The following PLPBP variants were observed in gnomAD, a reference collection of about 807,000 sequenced individuals.
The protein encoded by PLPBP is pyridoxal phosphate homeostasis protein.
A neutral mutation model predicts 31.2 loss-of-function variants in PLPBP; 21 were observed. The observed-to-expected ratio is 0.67, with a 90% CI of 0.48 to 0.97. The LOEUF is 0.97. Ranked by LOEUF, PLPBP falls within the 50% of genes least tolerant of loss-of-function variation. PLPBP has a pLI of 0.00. For synonymous variants in PLPBP, 124 were observed against 135.6 expected, an observed-to-expected ratio of 0.91 and a Z score of 0.59; for missense variants, 308 against 354.4, an observed-to-expected ratio of 0.87 and a Z score of 1.05.
chr8:37,766,429 G>A, intron 4 of PLPBP, 74 bp downstream of exon 4: 6 of 1,475,198 alleles, frequency 4.1e-6, no homozygotes, highest in Non-Finnish European at 5.5e-6. Flanking sequence ...GTGGAAGAGA[G>A]AGCAACTTTT....
chr8:37,776,827 C>T (rs1049691923), intron 7 of PLPBP, among the ~76,000 whole-genome samples: 10 of 152,140 alleles, frequency 6.6e-5, no homozygotes, highest in Admixed American at 3.3e-4. Context: ...AGTGCAGTGG[C>T]GCGATCTCAG....
rs1457341549 is a variant in PLPBP, at chr8:37,765,543, G to GC, written c.121dup (p.Arg41ProfsTer48). On this transcript the variant is annotated frameshift_variant, in exon 2 of 8. Coordinates refer to ENST00000328195, the MANE Select transcript of PLPBP (RefSeq NM_007198.4). LOFTEE classifies it high-confidence loss of function. ...CTTGGCAGGATCTCCCAGCCATCCA[G>GC]CCCCGGCTAGTGGCGGTCAGCAAAA... The GC allele has an allele frequency of 1.2e-6, 2 of 1,613,962 alleles. No individual in the cohort carries two copies. Among genetic ancestry groups the GC allele is most frequent in the South Asian group, 1.1e-5 (1 of 91,058 alleles).
chr8:37,770,739 G>C (rs540523122), intron 4 of PLPBP, among the ~76,000 whole-genome samples: 1 of 151,398 alleles, frequency 6.6e-6, no homozygotes, highest in African/African-American at 2.4e-5. Flanking sequence ...CACCATGCTG[G>C]CTAATTTTTG....
rs1215436836 is a variant in PLPBP, at chr8:37,765,452, A to C, written c.100-74A>C. The stretch of plus-strand genomic sequence containing the variant: ...TGAGATCAATGCCTGTCTATCCTAC[A>C]GGATCTATCCTATGGGATTCATTGG... On this transcript the variant is annotated intron_variant, in intron 1 of 7. Coordinates refer to ENST00000328195, the MANE Select transcript of PLPBP (RefSeq NM_007198.4). The C allele has an allele frequency of 2.2e-6, 3 of 1,392,724 alleles. No individual in the cohort carries two copies. In the East Asian group the frequency reaches 6.9e-5, roughly 32 times the overall value. 86.3% of individuals were successfully genotyped at this position (1,392,724 alleles called of 1,614,324 possible).
intron 1 of PLPBP, 106 bp from the exon 2 acceptor site, chr8:37,765,420 G>A (rs1417528314): frequency 1.1e-5 from 12 of 1,046,860 alleles, no homozygotes; most frequent in Admixed American, 1.9e-5. Context: ...CTTACCTAAT[G>A]CCAAGTTGAG....
chr8:37,773,409 A>G (rs556775317), intron 5 of PLPBP, among the ~76,000 whole-genome samples: 84 of 149,380 alleles, frequency 5.6e-4, no homozygotes, highest in African/African-American at 1.9e-3. Flanking sequence ...CTCTCAAGTG[A>G]TCCACCCATC....
chr8:37,762,754 C>T lies in PLPBP; in HGVS notation c.95C>T (p.Pro32Leu). Residue 32 changes from proline (P) to leucine (L), a missense_variant, in exon 1 of 8, where the codon CCG becomes CTG. By Grantham distance (98) the Pro-to-Leu change is moderately conservative (BLOSUM62 -3). Around this residue, in one of 2 missense-constraint regions of PLPBP, gnomAD observed 120 missense variants for 95.1 expected, o/e 1.26. Coordinates refer to ENST00000328195, the MANE Select transcript of PLPBP (RefSeq NM_007198.4). ...ERVQQAVARR[P>L]RDLPAIQPRL... is the part of the protein sequence containing the mutation. ...GTGCAGCAGGCTGTGGCGCGGCGGC[C>T]GCGGGTGAGGAAGGAGGCTGCGTGG... The T allele has an allele frequency of 6.4e-7, 1 of 1,562,700 alleles. No homozygotes were observed. The highest frequency in any genetic ancestry group is 8.6e-7 in the Non-Finnish European group (1 of 1,161,210).
At position 37,775,028 on chromosome 8, in the gene PLPBP, A is replaced by G. The variant is rs534849151; in HGVS notation, c.455-311A>G. The G allele has an allele frequency of 6.5e-5, 13 of 200,650 alleles. No homozygotes were observed. The East Asian group carries it at 1.3e-3, about 19-fold the overall frequency. The allele number at this position is 200,650 out of a possible 1,614,324, so 12.4% of individuals were successfully genotyped here. On this transcript the variant is annotated intron_variant, in intron 5 of 7. Coordinates refer to ENST00000328195, the MANE Select transcript of PLPBP (RefSeq NM_007198.4). ...GTTCATCTGGCATTTTGGCAATGCA[A>G]ATCTTCCTGGTATCCCAAAAAAGCA...
chr8:37,766,999 A>G, intron 4 of PLPBP, among the ~76,000 whole-genome samples: 1 of 147,514 alleles, frequency 6.8e-6, no homozygotes, highest in Non-Finnish European at 1.5e-5. Flanking sequence ...GTGATCCAAG[A>G]TCACGCCACT....
rs530979693 is a variant in PLPBP at position 37,778,079 on chromosome 8, C to T, written c.803C>T (p.Pro268Leu). ...PDKCAADVKA[P>L]LEVAQEH Reference sequence around the variant, plus strand: ...AAGTGCGCAGCAGACGTGAAGGCCCCGCTGGAGGTGGCACAGGAGCACTGA... The same window carrying T: ...AAGTGCGCAGCAGACGTGAAGGCCCTGCTGGAGGTGGCACAGGAGCACTGA... The change falls in exon 8 of 8, where the codon CCG (proline) becomes CTG (leucine). Residue 268 changes from proline to leucine, a missense_variant. Pro to Leu is a moderately conservative substitution (Grantham distance 98). Transcript: ENST00000328195. The T allele has an allele frequency of 5.0e-6, 8 of 1,613,514 alleles. No homozygotes were observed. The highest frequency in any genetic ancestry group is 2.7e-5 in the African/African-American group (2 of 75,048).
intron 4 of PLPBP, among the ~76,000 whole-genome samples, chr8:37,772,237 G>A (rs1370194484): frequency 6.6e-6 from 1 of 152,182 alleles, no homozygotes; most frequent in Non-Finnish European, 1.5e-5. Flanking sequence ...TCAAACTCCT[G>A]ACCTCAGGTG....
At chr8:37,771,002 T>C (rs186389642) in intron 4 of PLPBP, among the ~76,000 whole-genome samples, 1 of 152,352 alleles carries the variant, frequency 6.6e-6, no homozygotes, top group African/African-American at 2.4e-5. Context: ...TGATCCGTTA[T>C]ACTCATTCAA....
intron 3 of PLPBP, 138 bp downstream of exon 3, chr8:37,765,884 G>T (rs915332408): frequency 4.8e-5 from 44 of 913,554 alleles, no homozygotes; most frequent in Non-Finnish European, 6.7e-5. Flanking sequence ...AGAAATGTCA[G>T]CTTCCTCCTT....
chr8:37,776,448 C>G (rs1472943407), intron 7 of PLPBP, among the ~76,000 whole-genome samples: 3 of 141,364 alleles, frequency 2.1e-5, no homozygotes, highest in African/African-American at 7.9e-5. Context: ...TGCACTCCAG[C>G]CTGGCTGGCA....
chr8:37,766,396 T>C, intron 4 of PLPBP, 41 bp downstream of exon 4: 1 of 1,564,188 alleles, frequency 6.4e-7, no homozygotes, highest in Non-Finnish European at 8.8e-7. Context: ...TGTTCTGTCA[T>C]TGTATTGCTT....
At position 37,775,489 on chromosome 8, in the gene PLPBP, G is replaced by C. The variant is rs1420406107; in HGVS notation, c.597+8G>C. ...CCAAATCCAGACTTCCAGGTACTGGGGGGTCGGGGAGATTGCTCGTGTGCT... is the reference window on the plus strand; with the variant it reads ...CCAAATCCAGACTTCCAGGTACTGGCGGGTCGGGGAGATTGCTCGTGTGCT... On this transcript the variant is annotated splice_region_variant and intron_variant, in intron 6 of 7. Coordinates refer to ENST00000328195, the MANE Select transcript of PLPBP (RefSeq NM_007198.4). 6.2e-7 allele frequency: 1 copy of C among 1,613,606 alleles called. No homozygotes were observed. Among genetic ancestry groups the C allele is most frequent in the East Asian group, 2.2e-5 (1 of 44,882 alleles).
At chr8:37,774,130 G>A (rs1039809302) in intron 5 of PLPBP, among the ~76,000 whole-genome samples, 4 of 151,952 alleles carry the variant, frequency 2.6e-5, no homozygotes, top group Non-Finnish European at 5.9e-5. Flanking sequence ...AGGATCCCTC[G>A]AACCCAGGAG....
At position 37,778,033 on chromosome 8, in the gene PLPBP, T is replaced by C. The variant is rs749987334; in HGVS notation, c.757T>C (p.Ser253Pro). 13 of 1,613,742 alleles carry C rather than the reference T, an allele frequency of 8.1e-6. No individual in the cohort carries two copies. The change falls in exon 8 of 8, where the codon TCA becomes CCA. Residue 253 changes from serine to proline, a missense_variant. By Grantham distance (74) the Ser-to-Pro change is moderately conservative. Coordinates refer to ENST00000328195, the MANE Select transcript of PLPBP (RefSeq NM_007198.4). ...CACGATTTTTGGAGAGCGGGATTAC[T>C]CAAAGAAACCCACCCCGGACAAGTG... The part of the protein sequence containing the change: ...GSTIFGERDY[S>P]KKPTPDKCAA...
intron 7 of PLPBP, 58 bp downstream of exon 7, chr8:37,776,074 G>A: frequency 6.7e-7 from 1 of 1,488,812 alleles, no homozygotes; most frequent in Non-Finnish European, 9.3e-7. Context: ...GGGTCTGAGA[G>A]GCTGACACAA....
Sources: allele counts gnomAD v4.1 joint callset (sites outside exome capture counted in the v4.1 genomes callset), GRCh38; gene constraint gnomAD v4.1.1; regional missense constraint gnomAD v4.1.1; transcripts MANE v1.5; gene names NCBI Gene and HGNC (gene_info 2026-07-23, HGNC 2026-07-21).